THSD4: variants seen among roughly 807,000 people sequenced by gnomAD.
THSD4 encodes thrombospondin type-1 domain-containing protein 4.
A neutral mutation model predicts 119.0 loss-of-function variants in THSD4; 69 were observed. That is an observed-to-expected ratio of 0.58 (90% CI 0.48 to 0.71). The LOEUF is 0.71. Ranked by LOEUF, THSD4 falls within the 30% of genes least tolerant of loss-of-function variation. The pLI is 0.00. For missense variants in THSD4, 1,393 were observed against 1,391.1 expected (o/e 1.00, Z -0.02); for synonymous variants, 524 against 540.4 (o/e 0.97, Z 0.42).
At chr15:71,723,847 C>T (rs191557656) in intron 8 of THSD4, among the ~76,000 whole-genome samples, 105 of 152,058 alleles carry the variant, frequency 6.9e-4, no homozygotes, top group Non-Finnish European at 1.3e-3. Flanking sequence ...GCAGGAGGAT[C>T]GCTTGAGCTT....
intron 6 of THSD4, among the ~76,000 whole-genome samples, chr15:71,301,642 C>T (rs148237677): frequency 1.0e-3 from 152 of 152,248 alleles, no homozygotes; most frequent in African/African-American, 3.4e-3. Context: ...TCCAGATGAA[C>T]GTAAATTGAT....
chr15:71,620,364 G>A (rs1429338659), intron 7 of THSD4, among the ~76,000 whole-genome samples: 1 of 152,128 alleles, frequency 6.6e-6, no homozygotes, highest in Non-Finnish European at 1.5e-5. Context: ...GGGACAAGGT[G>A]AGAGGATTGC....
chr15:71,241,934 A>G (rs2044156919), intron 4 of THSD4, among the ~76,000 whole-genome samples: 1 of 152,146 alleles, frequency 6.6e-6, no homozygotes, highest in South Asian at 2.1e-4. Context: ...ATCAACTGTC[A>G]TTAGTGTTAC....
intron 7 of THSD4, among the ~76,000 whole-genome samples, chr15:71,429,451 T>C (rs1273004029): frequency 5.3e-5 from 8 of 152,220 alleles, no homozygotes; most frequent in Non-Finnish European, 1.0e-4. Flanking sequence ...CCAGGTGTAT[T>C]GACAGACTTG....
chr15:71,204,580 A>C (rs1446190774), intron 3 of THSD4, among the ~76,000 whole-genome samples: 1 of 152,114 alleles, frequency 6.6e-6, no homozygotes, highest in South Asian at 2.1e-4. Flanking sequence ...CAGTTTACTG[A>C]TATGGAAACT....
intron 7 of THSD4, among the ~76,000 whole-genome samples, chr15:71,552,842 C>T (rs1394634994): frequency 6.6e-6 from 1 of 152,152 alleles, no homozygotes; most frequent in Non-Finnish European, 1.5e-5. Flanking sequence ...GATGGGGTTT[C>T]ACTCTGGTCT....
chr15:71,128,182 C>G (rs2040470872), intron 1 of THSD4, among the ~76,000 whole-genome samples: 1 of 151,536 alleles, frequency 6.6e-6, no homozygotes, highest in Admixed American at 6.6e-5. Flanking sequence ...TAGAAATTAC[C>G]CAACCTGAGC....
At chr15:71,177,918 A>G (rs377542256) in intron 3 of THSD4, among the ~76,000 whole-genome samples, 138 of 140,912 alleles carry the variant, frequency 9.8e-4, no homozygotes, top group African/African-American at 3.4e-3. Flanking sequence ...ATGCAGAAAA[A>G]GCCTTTGACA....
chr15:71,465,348 G>A (rs1053767273), intron 7 of THSD4, among the ~76,000 whole-genome samples: 4 of 152,158 alleles, frequency 2.6e-5, no homozygotes, highest in African/African-American at 7.2e-5. Flanking sequence ...CTGTGATTCC[G>A]TAGTTTGACA....
At position 71,215,405 on chromosome 15, in the gene THSD4, C is replaced by A. The variant is rs1056481656; in HGVS notation, c.464+6C>A. 5.3e-6 allele frequency: 8 copies of A among 1,520,454 alleles called. No individual in the cohort carries two copies. The highest frequency in any genetic ancestry group is 2.0e-5 in the Admixed American group (1 of 49,784). 94.2% of individuals were successfully genotyped at this position (1,520,454 alleles called of 1,614,324 possible). A position where few individuals can be genotyped will look rare whatever the true frequency, so the allele number is the denominator to read the frequency against. On this transcript the variant is annotated splice_donor_region_variant and intron_variant, in intron 4 of 17. Coordinates refer to ENST00000261862, the MANE Select transcript of THSD4 (RefSeq NM_024817.3). ...GAAGTCACTGGGGACAGAAGGTACA[C>A]GCCCGCCCTTGTCTGTGCCGCTCCC... is the stretch of plus-strand genomic sequence containing the variant.
At chr15:71,364,436 T>C (rs1217928689) in intron 6 of THSD4, among the ~76,000 whole-genome samples, 3 of 152,250 alleles carry the variant, frequency 2.0e-5, no homozygotes, top group African/African-American at 4.8e-5. Flanking sequence ...TGGGGTACTT[T>C]AGCTAGACAT....
chr15:71,468,033 G>T (rs2047524384), intron 7 of THSD4, among the ~76,000 whole-genome samples: 1 of 151,974 alleles, frequency 6.6e-6, no homozygotes. Context: ...ATTTTTAGTG[G>T]AAACGAGGTT....
Position 71,242,552 on chromosome 15 carries a change from T to C in THSD4, c.465-97T>C, listed in dbSNP as rs2044161805. 3 of 1,340,918 alleles carry C rather than the reference T, an allele frequency of 2.2e-6. No homozygotes were observed. In the East Asian group the frequency reaches 6.9e-5, roughly 31 times the overall value. The allele number at this position is 1,340,918 out of a possible 1,614,324, so 83.1% of individuals were successfully genotyped here. A position where few individuals can be genotyped will look rare whatever the true frequency, so the allele number is the denominator to read the frequency against. On this transcript the variant is annotated intron_variant, in intron 4 of 17. Coordinates refer to ENST00000261862, the MANE Select transcript of THSD4 (RefSeq NM_024817.3). ...CCATAGACCCTTTCCCAAGCTTCCG[T>C]TCCTACCTGGTCCTCTCTACCACGG...
chr15:71,370,314 C>T (rs1339619215), intron 6 of THSD4, among the ~76,000 whole-genome samples: 1 of 151,950 alleles, frequency 6.6e-6, no homozygotes, highest in Admixed American at 6.6e-5. Flanking sequence ...TATTTCTTGC[C>T]TTCTGCTAGC....
intron 6 of THSD4, among the ~76,000 whole-genome samples, chr15:71,312,170 A>G (rs576230746): frequency 1.1e-4 from 16 of 152,116 alleles, no homozygotes; most frequent in African/African-American, 3.9e-4. Context: ...CTGTATTTGG[A>G]GATAAGACCT....
At chr15:71,483,293 C>T (rs776112253) in intron 7 of THSD4, among the ~76,000 whole-genome samples, 1 of 152,186 alleles carries the variant, frequency 6.6e-6, no homozygotes, top group African/African-American at 2.4e-5. Context: ...AAACTCCCCT[C>T]AATCTTCATA....
At position 71,132,879 on chromosome 15, in the gene THSD4, G is replaced by A. The variant is rs78345198; in HGVS notation, c.-79-8570G>A. 4.7e-3 allele frequency among the ~76,000 whole-genome samples: 717 copies of A among 152,356 alleles called. 8 individuals are homozygous for A. Among genetic ancestry groups the A allele is most frequent in the Non-Finnish European group, 8.0e-3 (543 of 68,030 alleles). On this transcript the variant is annotated intron_variant, in intron 1 of 17. Coordinates refer to ENST00000261862, the MANE Select transcript of THSD4 (RefSeq NM_024817.3). ...GGCAAGAGGCCATTTGTAGGCAGCAGAACTGAGGCCTTGTATTGGAAAGCA... is the reference window on the plus strand; with the variant it reads ...GGCAAGAGGCCATTTGTAGGCAGCAAAACTGAGGCCTTGTATTGGAAAGCA...
chr15:71,258,944 C>G (rs1405903100), intron 6 of THSD4, among the ~76,000 whole-genome samples: 2 of 151,682 alleles, frequency 1.3e-5, no homozygotes, highest in African/African-American at 4.9e-5. Flanking sequence ...AGAACCCCGT[C>G]TCTGCTAAAA....
intron 2 of THSD4, among the ~76,000 whole-genome samples, chr15:71,153,200 T>C (rs1264128221): frequency 6.6e-6 from 1 of 152,154 alleles, no homozygotes; most frequent in African/African-American, 2.4e-5. Flanking sequence ...GGGGGAGAGT[T>C]CCTACTTTTC....
Sources: allele counts gnomAD v4.1 joint callset (sites outside exome capture counted in the v4.1 genomes callset), GRCh38; gene constraint gnomAD v4.1.1; transcripts MANE v1.5; gene names NCBI Gene and HGNC (gene_info 2026-07-23, HGNC 2026-07-21).